The following SOS1 variants were observed in gnomAD, a reference collection of about 807,000 sequenced individuals.
SOS1 encodes SOS Ras/Rac guanine nucleotide exchange factor 1.
In SOS1, 25 loss-of-function variants were observed where a neutral mutation model predicts 157.6. That is an observed-to-expected ratio of 0.16 (90% CI 0.12 to 0.22). The LOEUF (loss-of-function observed/expected upper bound fraction) is 0.22. Ranked by LOEUF, SOS1 falls within the 10% of genes least tolerant of loss-of-function variation. The pLI is 1.00. For synonymous variants in SOS1, 528 were observed against 534.0 expected (o/e 0.99, Z 0.16); for missense variants, 1,237 against 1,599.1 (o/e 0.77, Z 3.86).
At chr2:39,043,951 A>AT (rs990548108) in intron 6 of SOS1, among the ~76,000 whole-genome samples, 4 of 152,174 alleles carry the variant, frequency 2.6e-5, no homozygotes, top group African/African-American at 4.8e-5. Context: ...TTGACTATTC[A>AT]TTTTTTAATG....
intron 2 of SOS1, 44 bp downstream of exon 2, chr2:39,067,584 C>T: frequency 1.9e-6 from 3 of 1,577,798 alleles, no homozygotes; most frequent in Non-Finnish European, 2.6e-6. Context: ...ACAACCAACA[C>T]ACAAATTAGA....
At position 39,120,976 on chromosome 2, in the gene SOS1, C is replaced by A; in HGVS notation, c.-554G>T. On this transcript the variant is annotated 5_prime_UTR_variant, in exon 1 of 23. Coordinates refer to ENST00000402219, the MANE Select transcript of SOS1 (RefSeq NM_005633.4). The stretch of plus-strand genomic sequence containing the variant: ...GAATCTGGCTGCCCTGAGGTGCCGC[C>A]GCGGCCGCCGCCGCCACCGCCGCCG... 1 of 176,228 alleles carries A rather than the reference C, an allele frequency of 5.7e-6. No individual in the cohort carries two copies. The highest frequency in any genetic ancestry group is 1.2e-5 in the Non-Finnish European group (1 of 86,330). The allele number at this position is 176,228 out of a possible 1,614,324, so 10.9% of individuals were successfully genotyped here.
intron 1 of SOS1, among the ~76,000 whole-genome samples, chr2:39,095,469 G>A (rs1456645710): frequency 6.6e-6 from 1 of 152,172 alleles, no homozygotes; most frequent in Non-Finnish European, 1.5e-5. Flanking sequence ...TATTTCCTAG[G>A]TTATCAAGAG....
Position 39,120,464 on chromosome 2 carries a change from C to G in SOS1, c.-42G>C. 6.6e-7 allele frequency: 1 copy of G among 1,523,930 alleles called. No homozygotes were observed. The highest frequency in any genetic ancestry group is 8.8e-7 in the Non-Finnish European group (1 of 1,136,632). 94.4% of individuals were successfully genotyped at this position (1,523,930 alleles called of 1,614,324 possible). ...CTCTGGGCGGGGAGAGGGGCGGCGG[C>G]GGCCGGGCCAGGGAGCCGCGAGAGG... On this transcript the variant is annotated 5_prime_UTR_variant, in exon 1 of 23. Transcript: ENST00000402219.
intron 2 of SOS1, among the ~76,000 whole-genome samples, chr2:39,062,329 A>G: frequency 6.6e-6 from 1 of 151,754 alleles, no homozygotes; most frequent in East Asian, 1.9e-4. Flanking sequence ...GAGGCACGAG[A>G]ATCACTTGAA....
chr2:39,122,447 TACACACAC>T (rs70954783), upstream of SOS1, among the ~76,000 whole-genome samples: 9 of 142,098 alleles, frequency 6.3e-5, no homozygotes, highest in East Asian at 1.3e-3. Context: ...AAAAAAAATA[TACACACAC>T]ACACACACAC....
chr2:39,124,664 T>G (rs1474107239), upstream of SOS1, among the ~76,000 whole-genome samples: 1 of 152,254 alleles, frequency 6.6e-6, no homozygotes, highest in African/African-American at 2.4e-5. Context: ...AGCTACTTAC[T>G]TTTCTGTTCA....
At chr2:39,032,882 T>A (rs1024246396) in intron 8 of SOS1, among the ~76,000 whole-genome samples, 128 of 151,890 alleles carry the variant, frequency 8.4e-4, no homozygotes, top group African/African-American at 3.0e-3. Flanking sequence ...GGAGAATCGC[T>A]CGAAGCTGGG....
At chr2:39,057,275 C>T (rs1453372314) in intron 3 of SOS1, among the ~76,000 whole-genome samples, 1 of 152,038 alleles carries the variant, frequency 6.6e-6, no homozygotes, top group East Asian at 1.9e-4. Flanking sequence ...GAATCTCTAC[C>T]AGGCTTATAC....
At chr2:39,049,668 T>A (rs1224408148) in intron 6 of SOS1, among the ~76,000 whole-genome samples, 1 of 152,222 alleles carries the variant, frequency 6.6e-6, no homozygotes, top group Admixed American at 6.5e-5. Flanking sequence ...ACTTAATGTT[T>A]TGTTTCCTTT....
chr2:38,988,148 C>T (rs537953329), intron 21 of SOS1, among the ~76,000 whole-genome samples: 1 of 152,242 alleles, frequency 6.6e-6, no homozygotes, highest in Non-Finnish European at 1.5e-5. Context: ...TAGTTATAGG[C>T]TCCCCTTTGC....
At chr2:39,008,968 G>C (rs1365096931) in intron 15 of SOS1, among the ~76,000 whole-genome samples, 2 of 143,116 alleles carry the variant, frequency 1.4e-5, no homozygotes, top group Non-Finnish European at 3.0e-5. Flanking sequence ...TGGGGGTGGG[G>C]CGGAGGGGGT....
intron 8 of SOS1, among the ~76,000 whole-genome samples, chr2:39,025,276 C>G (rs1457590147): frequency 1.3e-5 from 2 of 151,944 alleles, no homozygotes; most frequent in Non-Finnish European, 2.9e-5. Flanking sequence ...TTAGGAATAC[C>G]TACTCTCTAC....
intron 1 of SOS1, among the ~76,000 whole-genome samples, chr2:39,115,535 C>T (rs1673617488): frequency 6.6e-6 from 1 of 151,648 alleles, no homozygotes; most frequent in South Asian, 2.1e-4. Context: ...CCACCTCAGC[C>T]TCCCAAGCAG....
chr2:39,013,409 G>A, intron 13 of SOS1, 51 bp downstream of exon 13: 5 of 1,003,888 alleles, frequency 5.0e-6, no homozygotes, highest in South Asian at 1.3e-5. Flanking sequence ...TAGTCACCGT[G>A]TTGGTACTTT....
intron 6 of SOS1, among the ~76,000 whole-genome samples, chr2:39,037,058 T>C (rs540386929): frequency 6.6e-6 from 1 of 152,344 alleles, no homozygotes; most frequent in Admixed American, 6.5e-5. Context: ...CATTTTGCAA[T>C]ATGGCATGTA....
intron 17 of SOS1, among the ~76,000 whole-genome samples, chr2:39,002,636 G>A (rs1669141395): frequency 6.6e-6 from 1 of 152,190 alleles, no homozygotes; most frequent in Admixed American, 6.5e-5. Context: ...CAGATTGAAT[G>A]ACATACCGTC....
In SOS1 at chr2:39,024,355, T is replaced by A. The variant is rs776026824; in HGVS notation, c.1075-218A>T. On this transcript the variant is annotated intron_variant, in intron 8 of 22. Transcript: ENST00000402219. ...AAGACCAAGATTAGCAGTGTTAAGA[T>A]GGGTTATATCTTGTGACAGGCAGTA... is the stretch of plus-strand genomic sequence containing the variant. Among the ~76,000 whole-genome samples the A allele has an allele frequency of 5.2e-4, 79 of 152,152 alleles. 4 individuals carry two copies. The highest frequency in any genetic ancestry group is 1.2e-4 in the Non-Finnish European group (8 of 68,002).
intron 1 of SOS1, among the ~76,000 whole-genome samples, chr2:39,119,673 C>G (rs892421227): frequency 1.3e-5 from 2 of 152,196 alleles, no homozygotes; most frequent in African/African-American, 4.8e-5. Flanking sequence ...CTTCAGGTAA[C>G]AATGTAGCAA....
Sources: gnomAD v4.1 joint callset for allele counts (sites outside exome capture counted in the v4.1 genomes callset) on GRCh38, gnomAD v4.1.1 for gene constraint, MANE v1.5 for transcripts, NCBI Gene and HGNC (gene_info 2026-07-23, HGNC 2026-07-21) for gene names.